The following PCDH7 variants were observed in gnomAD, a reference collection of about 807,000 sequenced individuals.
PCDH7 encodes protocadherin 7, also known as protocadherin-7.
Under a neutral mutation model 58.9 loss-of-function variants are expected in PCDH7, and 17 were observed. The ratio of observed to expected loss-of-function variants is 0.29; its 90% CI spans 0.20 to 0.43. The LOEUF is 0.43. Ranked by LOEUF, PCDH7 falls within the 20% of genes least tolerant of loss-of-function variation. PCDH7 has a pLI of 1.00. For missense variants in PCDH7, 1,274 were observed against 1,441.0 expected (o/e 0.88, Z 1.88); for synonymous variants, 664 against 616.4 (o/e 1.08, Z -1.14).
At chr4:30,967,812 G>A (rs560780706) in intron 3 of PCDH7, among the ~76,000 whole-genome samples, 2 of 152,170 alleles carry the variant, frequency 1.3e-5, no homozygotes, top group East Asian at 1.9e-4. Context: ...CCAATCTATA[G>A]TACACCCCCA....
chr4:31,031,890 C>T (rs1754951348), intron 3 of PCDH7, among the ~76,000 whole-genome samples: 2 of 152,098 alleles, frequency 1.3e-5, no homozygotes, highest in Non-Finnish European at 2.9e-5. Context: ...CATGACTTTC[C>T]TCCATTAAAT....
rs148231245 is a variant in PCDH7 at position 31,128,007 on chromosome 4, G to A, written c.*8-14466G>A. Among the ~76,000 whole-genome samples, 181 of 151,134 alleles carry A rather than the reference G, an allele frequency of 1.2e-3. 1 individual carries two copies. The highest frequency in any genetic ancestry group is 4.2e-3 in the African/African-American group (172 of 41,172). Reference sequence around the variant, plus strand: ...CCTATATGTGTGTGCATATATATGTGTGTCCATGTGTATATATATACATAT... The same window carrying A: ...CCTATATGTGTGTGCATATATATGTATGTCCATGTGTATATATATACATAT... On this transcript the variant is annotated intron_variant, in intron 3 of 3. Transcript: ENST00000509759.
intron 3 of PCDH7, among the ~76,000 whole-genome samples, chr4:31,074,784 CA>C (rs1157267696): frequency 0.15 from 7,639 of 52,128 alleles, 104 homozygotes; most frequent in South Asian, 0.25. Context: ...GATTCCGTCT[CA>C]AAAAAAAAAA....
chr4:30,931,436 G>A (rs976168787), intron 2 of PCDH7, among the ~76,000 whole-genome samples: 18 of 152,056 alleles, frequency 1.2e-4, no homozygotes, highest in African/African-American at 4.3e-4. Context: ...TTAGCTGGTC[G>A]TGGTGGCACA....
At position 30,790,449 on chromosome 4, in the gene PCDH7, T is replaced by C. The variant is rs186548609; in HGVS notation, c.70+65853T>C. Reference sequence around the variant, plus strand: ...TCAGAGCTTTGATGCCAAATAGTAATTAATAAATTGAGAACTATCTAGGGA... The same window carrying C: ...TCAGAGCTTTGATGCCAAATAGTAACTAATAAATTGAGAACTATCTAGGGA... On this transcript the variant is annotated intron_variant, in intron 1 of 3. Coordinates refer to the PCDH7 transcript ENST00000509759. Among the ~76,000 whole-genome samples, 522 of 152,250 alleles carry C rather than the reference T, an allele frequency of 3.4e-3. 1 individual carries two copies. Among genetic ancestry groups the C allele is most frequent in the Middle Eastern group, 0.014 (4 of 294 alleles).
At chr4:31,141,865 G>C (rs147162798) in intron 3 of PCDH7, among the ~76,000 whole-genome samples, 1 of 152,286 alleles carries the variant, frequency 6.6e-6, no homozygotes, top group East Asian at 1.9e-4. Flanking sequence ...GCGTGATATT[G>C]CTAGTATGCT....
chr4:31,113,580 A>G (rs186652377), intron 3 of PCDH7, among the ~76,000 whole-genome samples: 4 of 152,246 alleles, frequency 2.6e-5, no homozygotes, highest in African/African-American at 9.6e-5. Context: ...TTACCCATGT[A>G]TAGTCTCACG....
intron 1 of PCDH7, among the ~76,000 whole-genome samples, chr4:30,835,496 G>A (rs1340851285): frequency 6.6e-6 from 1 of 152,082 alleles, no homozygotes; most frequent in Non-Finnish European, 1.5e-5. Context: ...GCCTTCGTTC[G>A]AGGAAAAATT....
At chr4:30,747,265 C>T (rs146133677) in intron 1 of PCDH7, among the ~76,000 whole-genome samples, 13 of 152,264 alleles carry the variant, frequency 8.5e-5, no homozygotes, top group East Asian at 3.9e-4. Context: ...TTGGCTAATG[C>T]GTCTAATTAT....
chr4:31,039,448 G>A (rs890577961), intron 3 of PCDH7, among the ~76,000 whole-genome samples: 4 of 152,138 alleles, frequency 2.6e-5, no homozygotes, highest in Non-Finnish European at 4.4e-5. Context: ...TGCAGTGGCT[G>A]TTCACAGGCA....
At chr4:31,014,807 G>A (rs1009005500) in intron 3 of PCDH7, among the ~76,000 whole-genome samples, 1 of 152,044 alleles carries the variant, frequency 6.6e-6, no homozygotes, top group East Asian at 1.9e-4. Context: ...TCCCTTTACA[G>A]AGGCCTCTCC....
At chr4:31,062,773 A>T (rs1037712963) in intron 3 of PCDH7, among the ~76,000 whole-genome samples, 2 of 151,718 alleles carry the variant, frequency 1.3e-5, no homozygotes, top group Admixed American at 1.3e-4. Flanking sequence ...ATGAAACCTG[A>T]TTTTTCTTGT....
intron 3 of PCDH7, among the ~76,000 whole-genome samples, chr4:31,076,598 A>T (rs937009786): frequency 6.6e-6 from 1 of 152,226 alleles, no homozygotes; most frequent in African/African-American, 2.4e-5. Context: ...AACCAATTCT[A>T]AGAAAGCTAC....
In PCDH7 at chr4:31,130,067, T is replaced by C. The variant is rs1185266263; in HGVS notation, c.*8-12406T>C. On this transcript the variant is annotated intron_variant, in intron 3 of 3. Transcript: ENST00000509759. ...AAAATGCCATAAATCCTATAAAGTA[T>C]TTATTAGAGTTGTGCCCTGGTACCT... Among the ~76,000 whole-genome samples, 3 of 152,244 alleles carry C rather than the reference T, an allele frequency of 2.0e-5. 1 individual carries two copies. Among genetic ancestry groups the C allele is most frequent in the South Asian group, 4.1e-4 (2 of 4,832 alleles).
At chr4:30,896,555 T>C (rs1024840014) in intron 1 of PCDH7, among the ~76,000 whole-genome samples, 7 of 152,176 alleles carry the variant, frequency 4.6e-5, no homozygotes, top group Admixed American at 3.3e-4. Flanking sequence ...TTTTCTTTTT[T>C]AGTCTTACAT....
intron 3 of PCDH7, among the ~76,000 whole-genome samples, chr4:31,022,376 T>C (rs906283018): frequency 1.3e-5 from 2 of 152,316 alleles, no homozygotes; most frequent in African/African-American, 2.4e-5. Flanking sequence ...AGCTTGAAAA[T>C]TCCTAGTGCT....
intron 1 of PCDH7, among the ~76,000 whole-genome samples, chr4:30,816,589 CA>C (rs1727704346): frequency 6.6e-6 from 1 of 151,738 alleles, no homozygotes; most frequent in South Asian, 2.1e-4. Flanking sequence ...AGTAGAGTTT[CA>C]TATGTTTACA....
chr4:31,140,660 T>C (rs1486310393), intron 3 of PCDH7, among the ~76,000 whole-genome samples: 1 of 150,562 alleles, frequency 6.6e-6, no homozygotes, highest in African/African-American at 2.4e-5. Context: ...GGAAATATTC[T>C]CAAAGAACTT....
At chr4:30,752,388 G>T (rs1718648768) in intron 1 of PCDH7, among the ~76,000 whole-genome samples, 1 of 152,086 alleles carries the variant, frequency 6.6e-6, no homozygotes, top group South Asian at 2.1e-4. Flanking sequence ...GCAGGTTCAT[G>T]GATGATTTTT....
Sources: gnomAD v4.1 joint callset for allele counts (sites outside exome capture counted in the v4.1 genomes callset) on GRCh38, gnomAD v4.1.1 for gene constraint, MANE v1.5 for transcripts, NCBI Gene and HGNC (gene_info 2026-07-23, HGNC 2026-07-21) for gene names.